NRG3: variants seen among roughly 807,000 people sequenced by gnomAD.
The protein encoded by NRG3 is neuregulin 3.
NRG3 carries 31 observed loss-of-function variants against 66.9 expected under a neutral mutation model. That is an observed-to-expected ratio of 0.46 (90% confidence interval 0.35 to 0.63). NRG3 has a LOEUF of 0.63. NRG3 is among the 20% of genes least tolerant of loss of function. The pLI, the probability that NRG3 is intolerant of heterozygous loss-of-function variation, is 0.00. For missense variants in NRG3, 910 were observed against 878.9 expected (o/e 1.04, Z -0.45); for synonymous variants, 393 against 359.4 (o/e 1.09, Z -1.06).
intron 2 of NRG3, among the ~76,000 whole-genome samples, chr10:82,449,832 A>G (rs1009170084): frequency 6.6e-6 from 1 of 152,188 alleles, no homozygotes; most frequent in Non-Finnish European, 1.5e-5. Context: ...CAGTGTAAAG[A>G]GTGAAGATCA....
intron 1 of NRG3, among the ~76,000 whole-genome samples, chr10:82,082,061 A>G (rs2065427593): frequency 6.6e-6 from 1 of 152,226 alleles, no homozygotes; most frequent in Non-Finnish European, 1.5e-5. Flanking sequence ...CAACTGTCAA[A>G]CATCTTTTTA....
chr10:82,663,698 C>T (rs1476206290), intron 2 of NRG3, among the ~76,000 whole-genome samples: 1 of 152,168 alleles, frequency 6.6e-6, no homozygotes, highest in Non-Finnish European at 1.5e-5. Context: ...AGGACATGAG[C>T]ACTGCTGCAA....
At chr10:81,907,393 G>T (rs1287015146) in intron 1 of NRG3, among the ~76,000 whole-genome samples, 3 of 152,146 alleles carry the variant, frequency 2.0e-5, no homozygotes, top group Admixed American at 2.0e-4. Context: ...CATTATAGTG[G>T]CAATTTCTCT....
chr10:82,240,172 C>G (rs1448983739), intron 1 of NRG3, among the ~76,000 whole-genome samples: 1 of 151,856 alleles, frequency 6.6e-6, no homozygotes, highest in Non-Finnish European at 1.5e-5. Context: ...AAAAATAACT[C>G]TTTTTCCCCC....
rs1415941503 is a variant in NRG3 at position 82,951,459 on chromosome 10, A to G, written c.1055-10A>G. ...AGCATCCATTCTAATTTTGTTTTTC[A>G]AATTCACAGAGAGTGAAGAAGTTTA... On this transcript the variant is annotated splice_polypyrimidine_tract_variant and intron_variant, in intron 4 of 8. Coordinates refer to ENST00000372141, the MANE Select transcript of NRG3 (RefSeq NM_001010848.4). 1 of 1,609,356 alleles carries G rather than the reference A, an allele frequency of 6.2e-7. No individual in the cohort carries two copies.
chr10:82,916,715 A>C (rs190573522), intron 4 of NRG3, among the ~76,000 whole-genome samples: 42 of 151,824 alleles, frequency 2.8e-4, no homozygotes, highest in African/African-American at 1.0e-3. Flanking sequence ...TCCCAGGTTC[A>C]AGCGATTCTC....
chr10:82,548,523 T>TCTCA (rs1178090292), intron 2 of NRG3, among the ~76,000 whole-genome samples: 3 of 139,460 alleles, frequency 2.2e-5, no homozygotes, highest in Non-Finnish European at 4.8e-5. Flanking sequence ...ATTCTGTCTC[T>TCTCA]CACACACACA....
intron 3 of NRG3, among the ~76,000 whole-genome samples, chr10:82,779,611 A>AT (rs1289664008): frequency 5.9e-5 from 9 of 151,820 alleles, no homozygotes; most frequent in East Asian, 1.9e-4. Context: ...CTTGTGACAT[A>AT]TTTTTTCTGC....
chr10:82,440,615 T>C (rs533433836), intron 2 of NRG3, among the ~76,000 whole-genome samples: 1 of 152,248 alleles, frequency 6.6e-6, no homozygotes, highest in Non-Finnish European at 1.5e-5. Flanking sequence ...TTTGTGGAAC[T>C]CTTGTGGAGA....
chr10:82,507,281 G>A (rs1844770412), intron 2 of NRG3, among the ~76,000 whole-genome samples: 1 of 152,178 alleles, frequency 6.6e-6, no homozygotes, highest in Non-Finnish European at 1.5e-5. Context: ...ATGCCTGAGG[G>A]AGTTGGTACA....
intron 1 of NRG3, among the ~76,000 whole-genome samples, chr10:82,305,487 T>C (rs537637456): frequency 1.2e-3 from 180 of 152,286 alleles, no homozygotes; most frequent in African/African-American, 4.0e-3. Context: ...TGTTAACTTA[T>C]GGAGGAGTGG....
chr10:82,099,778 A>G (rs1035670691), intron 1 of NRG3, among the ~76,000 whole-genome samples: 22 of 151,652 alleles, frequency 1.5e-4, no homozygotes, highest in Admixed American at 1.3e-3. Context: ...TGAGATCAGC[A>G]TGGCAAGACT....
intron 1 of NRG3, among the ~76,000 whole-genome samples, chr10:82,081,535 C>T (rs1360381110): frequency 1.3e-5 from 2 of 152,130 alleles, no homozygotes; most frequent in South Asian, 2.1e-4. Flanking sequence ...ATAGTGATGT[C>T]GCCCTAGGTT....
chr10:82,591,748 T>C (rs2046995863), intron 2 of NRG3, among the ~76,000 whole-genome samples: 1 of 152,226 alleles, frequency 6.6e-6, no homozygotes, highest in Non-Finnish European at 1.5e-5. Flanking sequence ...CAATTGACTC[T>C]GTCTACTATT....
intron 2 of NRG3, among the ~76,000 whole-genome samples, chr10:82,400,548 G>A (rs1314263009): frequency 6.6e-6 from 1 of 151,096 alleles, no homozygotes; most frequent in African/African-American, 2.4e-5. Context: ...GAAGTAACTC[G>A]GTCAAGTACA....
chr10:82,538,878 A>G (rs2043344142), intron 2 of NRG3, among the ~76,000 whole-genome samples: 1 of 152,154 alleles, frequency 6.6e-6, no homozygotes, highest in South Asian at 2.1e-4. Context: ...AAGAAGGATC[A>G]CCAAACATTG....
chr10:82,363,521 T>G (rs2084322505), intron 2 of NRG3, among the ~76,000 whole-genome samples: 1 of 152,244 alleles, frequency 6.6e-6, no homozygotes, highest in African/African-American at 2.4e-5. Flanking sequence ...GGTGGCGTGA[T>G]CTAGGCTCAC....
chr10:82,140,346 C>A (rs2069677460), intron 1 of NRG3, among the ~76,000 whole-genome samples: 1 of 152,128 alleles, frequency 6.6e-6, no homozygotes, highest in Non-Finnish European at 1.5e-5. Flanking sequence ...GGCAGAGGAT[C>A]CATTTGTTTA....
chr10:82,415,205 A>G (rs2088451679), intron 2 of NRG3, among the ~76,000 whole-genome samples: 1 of 152,166 alleles, frequency 6.6e-6, no homozygotes, highest in East Asian at 1.9e-4. Flanking sequence ...TAGAAATGAA[A>G]GCAATTCATG....
Sources: allele counts gnomAD v4.1 joint callset (sites outside exome capture counted in the v4.1 genomes callset), GRCh38; gene constraint gnomAD v4.1.1; transcripts MANE v1.5; gene names NCBI Gene and HGNC (gene_info 2026-07-23, HGNC 2026-07-21).